The following CHL1 variants were observed in gnomAD, a reference collection of about 807,000 sequenced individuals.
CHL1 encodes neural cell adhesion molecule L1-like protein.
In CHL1, 96 loss-of-function variants were observed where a neutral mutation model predicts 141.9. That is an observed-to-expected ratio of 0.68 (90% CI 0.57 to 0.80). The LOEUF (loss-of-function observed/expected upper bound fraction) is 0.80, where lower values mean the gene tolerates loss of function less well. Ranked by LOEUF, CHL1 falls within the 30% of genes least tolerant of loss-of-function variation. The pLI is 0.00. For synonymous variants in CHL1, 613 were observed against 502.2 expected, an observed-to-expected ratio of 1.22 and a Z score of -2.95; for missense variants, 1,820 against 1,457.2, an observed-to-expected ratio of 1.25 and a Z score of -4.05.
chr3:399,935 C>T (rs1708987538), intron 26 of CHL1, among the ~76,000 whole-genome samples: 1 of 152,216 alleles, frequency 6.6e-6, no homozygotes. Flanking sequence ...AGTAGACACA[C>T]TGCCTCTTGA....
At chr3:370,198 T>TAG (rs1392294156) in intron 15 of CHL1, among the ~76,000 whole-genome samples, 1 of 152,236 alleles carries the variant, frequency 6.6e-6, no homozygotes, top group African/African-American at 2.4e-5. Flanking sequence ...GTACTTCTGG[T>TAG]AGAATTCGGC....
intron 2 of CHL1, among the ~76,000 whole-genome samples, chr3:281,012 G>A (rs1369611414): frequency 6.6e-6 from 1 of 151,942 alleles, no homozygotes; most frequent in Non-Finnish European, 1.5e-5. Flanking sequence ...CCCAACTGGG[G>A]TTATTTTTTT....
intron 8 of CHL1, 85 bp downstream of exon 8, chr3:343,116 TAA>T (rs976412643): frequency 9.8e-7 from 1 of 1,024,702 alleles, no homozygotes; most frequent in Non-Finnish European, 1.4e-6. Flanking sequence ...AATATCCTCT[TAA>T]GTTTATTACA....
chr3:287,685 G>T (rs1258261034), intron 2 of CHL1, among the ~76,000 whole-genome samples: 1 of 152,116 alleles, frequency 6.6e-6, no homozygotes, highest in African/African-American at 2.4e-5. Flanking sequence ...TTATTAGTGT[G>T]TGCCTTCAAG....
At chr3:346,078 C>A (rs1280119667) in intron 9 of CHL1, among the ~76,000 whole-genome samples, 3 of 152,100 alleles carry the variant, frequency 2.0e-5, no homozygotes, top group Non-Finnish European at 4.4e-5. Flanking sequence ...AGTTAGTGGA[C>A]TAGGATTTGA....
chr3:361,820 T>C lies in CHL1; in HGVS notation c.1418+10T>C. 1.3e-6 allele frequency: 2 copies of C among 1,549,636 alleles called. No individual in the cohort carries two copies. Among genetic ancestry groups the C allele is most frequent in the Non-Finnish European group, 1.8e-6 (2 of 1,122,822 alleles). On this transcript the variant is annotated intron_variant, in intron 13 of 27. Transcript: ENST00000256509. Reference sequence around the variant, plus strand: ...AGGCAGTCGTGTCCTGGTAAGCCGGTGGCTCATGGTTTTCTTAAGAGAATG... The same window carrying C: ...AGGCAGTCGTGTCCTGGTAAGCCGGCGGCTCATGGTTTTCTTAAGAGAATG...
At chr3:225,131 C>G (rs1236768263) in intron 1 of CHL1, among the ~76,000 whole-genome samples, 1 of 152,148 alleles carries the variant, frequency 6.6e-6, no homozygotes, top group Non-Finnish European at 1.5e-5. Flanking sequence ...GAGACTCTAT[C>G]TCAAAAAGAA....
chr3:202,687 C>A (rs1312479450), intron 1 of CHL1, among the ~76,000 whole-genome samples: 1 of 152,204 alleles, frequency 6.6e-6, no homozygotes, highest in Non-Finnish European at 1.5e-5. Flanking sequence ...GGCATTGGTT[C>A]ACAGTCACCC....
At chr3:397,978 T>A (rs1418520923) in intron 24 of CHL1, among the ~76,000 whole-genome samples, 1 of 152,196 alleles carries the variant, frequency 6.6e-6, no homozygotes, top group Non-Finnish European at 1.5e-5. Flanking sequence ...ACCATTCATG[T>A]GACCAGGCAG....
intron 2 of CHL1, among the ~76,000 whole-genome samples, chr3:266,310 C>A (rs1018453240): frequency 2.0e-5 from 3 of 152,024 alleles, no homozygotes; most frequent in Admixed American, 6.6e-5. Flanking sequence ...GATGCACCAG[C>A]GAGCGACAAA....
chr3:210,928 G>C (rs1207219797), intron 1 of CHL1, among the ~76,000 whole-genome samples: 3 of 152,198 alleles, frequency 2.0e-5, no homozygotes, highest in Non-Finnish European at 4.4e-5. Context: ...AAAGTGAGAG[G>C]AAGGAGGCGT....
At chr3:382,800 T>G in intron 18 of CHL1, 129 bp downstream of exon 18, 1 of 767,248 alleles carries the variant, frequency 1.3e-6, no homozygotes, top group Non-Finnish European at 2.1e-6. Context: ...AACAGTTCTC[T>G]AAACAGCACA....
chr3:371,425 A>T (rs1705613818), intron 15 of CHL1, among the ~76,000 whole-genome samples: 1 of 152,272 alleles, frequency 6.6e-6, no homozygotes, highest in African/African-American at 2.4e-5. Context: ...CTAGGATTGC[A>T]ATCCCTGCTT....
chr3:319,682 G>T lies in CHL1; in HGVS notation c.-94-1G>T. 10 of 621,076 alleles carry T rather than the reference G, an allele frequency of 1.6e-5. No homozygotes were observed. The highest frequency in any genetic ancestry group is 1.9e-5 in the African/African-American group (1 of 51,422). 38.5% of individuals were successfully genotyped at this position (621,076 alleles called of 1,614,324 possible). A position where few individuals can be genotyped will look rare whatever the true frequency, so the allele number is the denominator to read the frequency against. ...ACATGTTATTCTGTTTGTGTTTTTAGTTTCCAGGTTAACTAAGGTCTCAGC... is the reference window on the plus strand; with the variant it reads ...ACATGTTATTCTGTTTGTGTTTTTATTTTCCAGGTTAACTAAGGTCTCAGC... On this transcript the variant is annotated splice_acceptor_variant, in intron 2 of 27. Coordinates refer to ENST00000256509, the MANE Select transcript of CHL1 (RefSeq NM_006614.4). LOFTEE classifies it low-confidence loss of function (5UTR_SPLICE).
chr3:288,277 C>G (rs1448608108), intron 2 of CHL1, among the ~76,000 whole-genome samples: 1 of 152,190 alleles, frequency 6.6e-6, no homozygotes, highest in African/African-American at 2.4e-5. Context: ...ATTATCTCCT[C>G]TCTCTAACTG....
chr3:394,501 C>T (rs1451465182), intron 23 of CHL1, among the ~76,000 whole-genome samples, 192 bp from the exon 24 acceptor site: 5 of 151,992 alleles, frequency 3.3e-5, no homozygotes, highest in African/African-American at 4.8e-5. Context: ...CTTATTCTTG[C>T]GAGACCTCAG....
chr3:252,524 A>T (rs368429677), intron 2 of CHL1, among the ~76,000 whole-genome samples: 3 of 151,376 alleles, frequency 2.0e-5, no homozygotes, highest in African/African-American at 7.3e-5. Flanking sequence ...TAGGTATACC[A>T]GGTGCTATTG....
At chr3:337,479 T>G (rs1226814167) in intron 5 of CHL1, among the ~76,000 whole-genome samples, 1 of 151,976 alleles carries the variant, frequency 6.6e-6, no homozygotes, top group African/African-American at 2.4e-5. Flanking sequence ...AACTCATCAT[T>G]TACATTAGGT....
At chr3:380,034 G>A (rs946302432) in intron 16 of CHL1, among the ~76,000 whole-genome samples, 1 of 152,098 alleles carries the variant, frequency 6.6e-6, no homozygotes, top group African/African-American at 2.4e-5. Context: ...TCAGTTGCAA[G>A]TTCATCAGTT....
Sources: allele counts gnomAD v4.1 joint callset (sites outside exome capture counted in the v4.1 genomes callset), GRCh38; gene constraint gnomAD v4.1.1; transcripts MANE v1.5; gene names NCBI Gene and HGNC (gene_info 2026-07-23, HGNC 2026-07-21).